Variants in HNRNPR observed in about 807,000 individuals in gnomAD.
HNRNPR encodes the protein heterogeneous nuclear ribonucleoprotein R.
HNRNPR carries 4 observed loss-of-function variants against 70.3 expected under a neutral mutation model. The observed-to-expected ratio is 0.06, with a 90% CI of 0.03 to 0.13. HNRNPR has a LOEUF of 0.13. HNRNPR is among the 10% of genes least tolerant of loss of function. HNRNPR has a pLI of 1.00. For synonymous variants in HNRNPR, 241 were observed against 267.6 expected (o/e 0.90, Z 0.97); for missense variants, 423 against 788.5 (o/e 0.54, Z 5.55).
intron 5 of HNRNPR, among the ~76,000 whole-genome samples, chr1:23,331,125 T>C (rs1376470324): frequency 1.3e-5 from 2 of 152,202 alleles, no homozygotes; most frequent in Non-Finnish European, 2.9e-5. Context: ...TATAGGGATT[T>C]TGCTGGAATC....
chr1:23,338,596 T>G lies in HNRNPR; in HGVS notation c.170A>C (p.Tyr57Ser). ...AATTGCTCTTTCATCAAGATCGACA[T>G]AAGCTACCAATCCTAAAAATTAAAT... is the stretch of plus-strand genomic sequence containing the variant. ...DEIFQTGLVA[Y>S]VDLDERAIDA... Residue 57 changes from tyrosine (Y) to serine (S), a missense_variant, in exon 3 of 11, where the codon TAT becomes TCT. Around this residue, in one of 7 missense-constraint regions of HNRNPR, gnomAD observed 44 missense variants for 89.0 expected, o/e 0.49. Transcript: ENST00000302271. 6.4e-7 allele frequency: 1 copy of G among 1,572,774 alleles called. No homozygotes were observed. Among genetic ancestry groups the G allele is most frequent in the Non-Finnish European group, 8.7e-7 (1 of 1,153,316 alleles).
chr1:23,313,340 TAAC>T (rs1435533706), intron 9 of HNRNPR, among the ~76,000 whole-genome samples: 1 of 152,164 alleles, frequency 6.6e-6, no homozygotes, highest in Non-Finnish European at 1.5e-5. Flanking sequence ...AGATTAAAAA[TAAC>T]TTGCCTAAGA....
intron 5 of HNRNPR, among the ~76,000 whole-genome samples, chr1:23,328,397 T>C (rs1646082468): frequency 6.6e-6 from 1 of 152,226 alleles, no homozygotes; most frequent in South Asian, 2.1e-4. Flanking sequence ...AGTAGGGTGA[T>C]AGCTATGAAG....
chr1:23,341,053 G>A, intron 1 of HNRNPR, 36 bp from the exon 2 acceptor site: 2 of 1,538,678 alleles, frequency 1.3e-6, no homozygotes, highest in East Asian at 4.5e-5. Flanking sequence ...ATTACATTAA[G>A]CCAGAAATAA....
chr1:23,313,540 T>C lies in HNRNPR; in HGVS notation c.1167+13A>G, dbSNP rs757463936. The C allele has an allele frequency of 6.5e-7, 1 of 1,530,194 alleles. No individual in the cohort carries two copies. The highest frequency in any genetic ancestry group is 8.7e-7 in the Non-Finnish European group (1 of 1,144,158). 94.8% of individuals were successfully genotyped at this position (1,530,194 alleles called of 1,614,324 possible). A position where few individuals can be genotyped will look rare whatever the true frequency, so the allele number is the denominator to read the frequency against. ...AATTCAAATATCAAGAACCAAAATT[T>C]CAAAATTCCTACCTTAACAGCTGCT... On this transcript the variant is annotated intron_variant, in intron 9 of 10. Transcript: ENST00000302271.
At chr1:23,335,530 T>G (rs1460734254) in intron 4 of HNRNPR, among the ~76,000 whole-genome samples, 1 of 152,248 alleles carries the variant, frequency 6.6e-6, no homozygotes, top group Non-Finnish European at 1.5e-5. Context: ...GCCTGAGCTG[T>G]GAGCTCCACC....
chr1:23,325,043 G>T (rs1303956325), intron 5 of HNRNPR, among the ~76,000 whole-genome samples: 1 of 152,010 alleles, frequency 6.6e-6, no homozygotes, highest in Non-Finnish European at 1.5e-5. Context: ...AGGAGGCTGA[G>T]GCAGGAGAAT....
chr1:23,311,536 C>T (rs1048181108), intron 9 of HNRNPR: 6 of 402,498 alleles, frequency 1.5e-5, no homozygotes, highest in African/African-American at 1.0e-4. Flanking sequence ...ACATAAATTA[C>T]ATTTAGAACA....
intron 5 of HNRNPR, 29 bp downstream of exon 5, chr1:23,333,489 A>C (rs1195806576): frequency 7.2e-7 from 1 of 1,397,018 alleles, no homozygotes; most frequent in East Asian, 2.3e-5. Context: ...AACTGGAAAG[A>C]TCTTGGTAAA....
chr1:23,331,947 C>T (rs904257598), intron 5 of HNRNPR, among the ~76,000 whole-genome samples: 10 of 148,674 alleles, frequency 6.7e-5, no homozygotes, highest in Non-Finnish European at 1.2e-4. Context: ...GCCTGGCCAA[C>T]TTGGCGCAAC....
chr1:23,327,981 G>T (rs1222011244), intron 5 of HNRNPR, among the ~76,000 whole-genome samples: 1 of 116,114 alleles, frequency 8.6e-6, no homozygotes, highest in Non-Finnish European at 1.7e-5. Flanking sequence ...GAGAAACACA[G>T]CAAGACTCTG....
At chr1:23,315,018 G>A (rs776108106) in intron 8 of HNRNPR, among the ~76,000 whole-genome samples, 5 of 152,056 alleles carry the variant, frequency 3.3e-5, no homozygotes, top group African/African-American at 7.2e-5. Flanking sequence ...GGTGGCTCAC[G>A]CCTGTAATCC....
In HNRNPR at chr1:23,335,347, C is replaced by A. The variant is rs891513705; in HGVS notation, c.385-1716G>T. 2.0e-5 allele frequency among the ~76,000 whole-genome samples: 3 copies of A among 152,334 alleles called. No individual in the cohort carries two copies. In the South Asian group the frequency reaches 6.2e-4, roughly 32 times the overall value. The stretch of plus-strand genomic sequence containing the variant: ...TCTTCTACCTTTGACTGAAACAGAG[C>A]CATAAATGTAATATAAAACAGGGGT... On this transcript the variant is annotated intron_variant, in intron 4 of 10. Transcript: ENST00000302271.
intron 8 of HNRNPR, among the ~76,000 whole-genome samples, chr1:23,315,279 C>CA (rs1165980444): frequency 0.023 from 810 of 35,270 alleles, 34 homozygotes; most frequent in African/African-American, 0.055. Flanking sequence ...GGCTCCGTCT[C>CA]AAAAAAAAAA....
At chr1:23,312,451 C>T (rs1398226120) in intron 9 of HNRNPR, among the ~76,000 whole-genome samples, 1 of 152,128 alleles carries the variant, frequency 6.6e-6, no homozygotes, top group Non-Finnish European at 1.5e-5. Context: ...AATATTTAGA[C>T]AGCATAAAAT....
chr1:23,326,303 A>G (rs1645972835), intron 5 of HNRNPR, among the ~76,000 whole-genome samples: 1 of 152,096 alleles, frequency 6.6e-6, no homozygotes, highest in Admixed American at 6.6e-5. Flanking sequence ...GCATCATCAC[A>G]ACTAGGGATA....
At chr1:23,330,870 A>G (rs1010059483) in intron 5 of HNRNPR, among the ~76,000 whole-genome samples, 16 of 152,238 alleles carry the variant, frequency 1.1e-4, no homozygotes, top group Non-Finnish European at 1.9e-4. Flanking sequence ...TTTAATGATG[A>G]CTGAAAGAAC....
chr1:23,335,448 A>T (rs984286714), intron 4 of HNRNPR, among the ~76,000 whole-genome samples: 4 of 152,238 alleles, frequency 2.6e-5, no homozygotes, highest in African/African-American at 9.6e-5. Flanking sequence ...GGAGGTAAAT[A>T]GCGGGCAAGT....
chr1:23,339,855 C>T (rs1646646265), intron 2 of HNRNPR, among the ~76,000 whole-genome samples: 1 of 152,138 alleles, frequency 6.6e-6, no homozygotes, highest in Non-Finnish European at 1.5e-5. Context: ...TTATCAATAA[C>T]AAAACACTCT....
Sources: allele counts gnomAD v4.1 joint callset (sites outside exome capture counted in the v4.1 genomes callset), GRCh38; gene constraint gnomAD v4.1.1; regional missense constraint gnomAD v4.1.1; transcripts MANE v1.5; gene names NCBI Gene and HGNC (gene_info 2026-07-23, HGNC 2026-07-21).